ATP6V0A1: variants seen among roughly 807,000 people sequenced by gnomAD.
ATP6V0A1 encodes the protein V-type proton ATPase 116 kDa subunit a 1.
A neutral mutation model predicts 105.4 loss-of-function variants in ATP6V0A1; 43 were observed. The ratio of observed to expected loss-of-function variants is 0.41; its 90% CI spans 0.32 to 0.53. ATP6V0A1 has a LOEUF of 0.53. ATP6V0A1 is among the 20% of genes least tolerant of loss of function. The pLI is 0.30. For missense variants in ATP6V0A1, 676 were observed against 1,051.1 expected (o/e 0.64, Z 4.93); for synonymous variants, 362 against 372.8 (o/e 0.97, Z 0.33).
intron 5 of ATP6V0A1, among the ~76,000 whole-genome samples, chr17:42,472,655 C>T (rs1187435121): frequency 1.3e-5 from 2 of 151,742 alleles, no homozygotes; most frequent in Non-Finnish European, 2.9e-5. Context: ...ACCGGGGAGG[C>T]GGAGGTTGTA....
At chr17:42,508,484 C>T (rs1379382296) in intron 18 of ATP6V0A1, 88 bp from the exon 19 acceptor site, 7 of 1,552,978 alleles carry the variant, frequency 4.5e-6, no homozygotes, top group East Asian at 2.2e-5. Context: ...ACAGTCCTCC[C>T]CAAGAAGCAT....
intron 2 of ATP6V0A1, among the ~76,000 whole-genome samples, chr17:42,465,978 G>A (rs1485674667): frequency 2.0e-5 from 3 of 152,090 alleles, no homozygotes; most frequent in African/African-American, 7.2e-5. Flanking sequence ...AAGAAAAAAA[G>A]CAATTACTTG....
chr17:42,514,943 CA>C (rs1341958850), intron 21 of ATP6V0A1, among the ~76,000 whole-genome samples: 1 of 152,154 alleles, frequency 6.6e-6, no homozygotes, highest in Non-Finnish European at 1.5e-5. Context: ...CTGGCAGCTC[CA>C]TTGTGGACCG....
At chr17:42,480,363 T>C (rs1447606569) in intron 7 of ATP6V0A1, 1 of 184,638 alleles carries the variant, frequency 5.4e-6, no homozygotes, top group East Asian at 1.3e-4. Flanking sequence ...TCAGGCAATA[T>C]AAGATTTAAA....
At chr17:42,473,468 C>T (rs376624971) in intron 5 of ATP6V0A1, among the ~76,000 whole-genome samples, 11 of 152,326 alleles carry the variant, frequency 7.2e-5, no homozygotes, top group African/African-American at 2.2e-4. Flanking sequence ...CAGAACATGA[C>T]GCTTTCATAT....
intron 5 of ATP6V0A1, chr17:42,470,747 CT>C (rs2087784190): frequency 1.3e-5 from 2 of 154,756 alleles, no homozygotes; most frequent in African/African-American, 4.8e-5. Context: ...TGGTAGGATG[CT>C]TGTTTGAAAC....
rs1372671156 is a variant in ATP6V0A1 at position 42,499,054 on chromosome 17, C to T, written c.1679+12C>T. ...CTGTTCAACCATATGTGAGTTGTTC[C>T]ATTTCTGTCATAAGAATGTGCATAG... On this transcript the variant is annotated intron_variant, in intron 15 of 21. Transcript: ENST00000343619. 2.6e-6 allele frequency: 4 copies of T among 1,536,392 alleles called. No individual in the cohort carries two copies. Among genetic ancestry groups the T allele is most frequent in the East Asian group, 4.5e-5 (2 of 44,476 alleles).
chr17:42,483,411 AT>A (rs760755835), intron 9 of ATP6V0A1, among the ~76,000 whole-genome samples: 154 of 144,482 alleles, frequency 1.1e-3, no homozygotes, highest in East Asian at 3.4e-3. Context: ...TGGGTCTGAG[AT>A]TTTTTTTTTT....
At chr17:42,460,387 T>A (rs1340924616) in intron 1 of ATP6V0A1, 2 of 153,508 alleles carry the variant, frequency 1.3e-5, no homozygotes, top group African/African-American at 4.8e-5. Flanking sequence ...ATGCGCATTG[T>A]CAGTAGAAGG....
chr17:42,465,364 C>T (rs1228138964), intron 2 of ATP6V0A1, among the ~76,000 whole-genome samples: 2 of 151,964 alleles, frequency 1.3e-5, no homozygotes, highest in Non-Finnish European at 2.9e-5. Context: ...GATTTTGGCT[C>T]ACTGCAACCT....
At chr17:42,490,172 G>A (rs1012525602) in intron 10 of ATP6V0A1, among the ~76,000 whole-genome samples, 9 of 152,132 alleles carry the variant, frequency 5.9e-5, no homozygotes, top group African/African-American at 2.2e-4. Flanking sequence ...GGCAGATATG[G>A]AGGCAGTTCC....
Position 42,460,891 on chromosome 17 carries a change from C to T in ATP6V0A1, c.-4C>T. ...TACTCACTAGACTGGTACCTTCTGC[C>T]ACCATGGGGGAGCTTTTCCGGAGTG... On this transcript the variant is annotated 5_prime_UTR_variant, in exon 2 of 22. Transcript: ENST00000343619. 6.2e-7 allele frequency: 1 copy of T among 1,611,074 alleles called. No individual in the cohort carries two copies. The highest frequency in any genetic ancestry group is 8.5e-7 in the Non-Finnish European group (1 of 1,177,274).
intron 21 of ATP6V0A1, chr17:42,520,665 G>C (rs1262907891): frequency 2.2e-6 from 1 of 448,964 alleles, no homozygotes; most frequent in Non-Finnish European, 4.5e-6. Context: ...CTTAGAGGTG[G>C]GCTGTGTGAT....
At chr17:42,485,410 G>A (rs552588184) in intron 9 of ATP6V0A1, among the ~76,000 whole-genome samples, 1 of 152,322 alleles carries the variant, frequency 6.6e-6, no homozygotes, top group East Asian at 1.9e-4. Context: ...AAATCTAGCT[G>A]TAGGAACTGA....
At chr17:42,464,249 C>T (rs918555711) in intron 2 of ATP6V0A1, among the ~76,000 whole-genome samples, 2 of 152,044 alleles carry the variant, frequency 1.3e-5, no homozygotes, top group Admixed American at 1.3e-4. Flanking sequence ...GGTTTGTGTC[C>T]GTCTCTTCTG....
chr17:42,494,953 G>A (rs2091018999), intron 12 of ATP6V0A1, 81 bp from the exon 13 acceptor site: 22 of 1,441,164 alleles, frequency 1.5e-5, no homozygotes, highest in Non-Finnish European at 2.1e-5. Flanking sequence ...TGGAGAAAGG[G>A]GCAGGTATAT....
chr17:42,477,339 A>G (rs1482873889), intron 5 of ATP6V0A1, among the ~76,000 whole-genome samples: 6 of 152,188 alleles, frequency 3.9e-5, no homozygotes, highest in African/African-American at 1.4e-4. Context: ...TAGGAGAGAA[A>G]ATGGCTTCCA....
chr17:42,508,384 A>G (rs565378631), intron 18 of ATP6V0A1, among the ~76,000 whole-genome samples, 188 bp from the exon 19 acceptor site: 2 of 152,374 alleles, frequency 1.3e-5, no homozygotes, highest in South Asian at 4.1e-4. Context: ...TTTAAAAAAT[A>G]TGTATCTTAA....
chr17:42,481,862 GAC>G lies in ATP6V0A1; in HGVS notation c.716+1115_716+1116del, dbSNP rs776879593. ...CCTTAGGGACAGATCTTTTTTTTGA[GAC>G]AGAGTCTTGCGCTGCCACCCAGGCT... On this transcript the variant is annotated intron_variant, in intron 8 of 21. Coordinates refer to ENST00000343619, the MANE Select transcript of ATP6V0A1 (RefSeq NM_001130021.3). 3.0e-3 allele frequency among the ~76,000 whole-genome samples: 462 copies of G among 152,032 alleles called. 3 individuals are homozygous for G. The highest frequency in any genetic ancestry group is 0.011 in the African/African-American group (440 of 41,490).
Sources: allele counts gnomAD v4.1 joint callset (sites outside exome capture counted in the v4.1 genomes callset), GRCh38; gene constraint gnomAD v4.1.1; transcripts MANE v1.5; gene names NCBI Gene and HGNC (gene_info 2026-07-23, HGNC 2026-07-21).